Variants in AIG1 observed in about 807,000 individuals in gnomAD.
The protein encoded by AIG1 is androgen induced 1, also known as androgen-induced gene 1 protein.
Under a neutral mutation model 31.4 loss-of-function variants are expected in AIG1, and 23 were observed. The ratio of observed to expected loss-of-function variants is 0.73; its 90% confidence interval spans 0.53 to 1.04. AIG1 has a LOEUF of 1.04. Ranked by LOEUF, AIG1 falls within the 50% of genes least tolerant of loss-of-function variation. The pLI is 0.00. For synonymous variants in AIG1, 100 were observed against 110.5 expected, an observed-to-expected ratio of 0.90 and a Z score of 0.60; for missense variants, 274 against 295.0, an observed-to-expected ratio of 0.93 and a Z score of 0.52.
chr6:143,063,178 T>C lies in AIG1; in HGVS notation c.141+2112T>C, dbSNP rs376723911. ...AAACCATAGTAGAGTCAGCTTGATA[T>C]GCTGTCATATAATTTATCTTTTAGC... is the stretch of plus-strand genomic sequence containing the variant. On this transcript the variant is annotated intron_variant, in intron 1 of 5. Coordinates refer to ENST00000357847, the MANE Select transcript of AIG1 (RefSeq NM_016108.4). Among the ~76,000 whole-genome samples the C allele has an allele frequency of 5.9e-5, 9 of 152,378 alleles. No homozygotes were observed. In the East Asian group the frequency reaches 7.7e-4, roughly 13 times the overall value.
upstream of AIG1, among the ~76,000 whole-genome samples, chr6:143,059,332 C>T (rs539117694): frequency 2.0e-5 from 3 of 152,308 alleles, no homozygotes; most frequent in Non-Finnish European, 2.9e-5. Flanking sequence ...CACTTACCAC[C>T]AAGGTCTGCC....
Position 143,229,784 on chromosome 6 carries a change from C to CAAAAAA in AIG1, c.400-54311_400-54306dup, listed in dbSNP as rs751464049. Among the ~76,000 whole-genome samples, 24 of 80,668 alleles carry CAAAAAA rather than the reference C, an allele frequency of 3.0e-4. 1 individual carries two copies. Among genetic ancestry groups the CAAAAAA allele is most frequent in the South Asian group, 1.2e-3 (3 of 2,578 alleles). 52.9% of individuals were successfully genotyped at this position (80,668 alleles called of 152,430 possible). A position where few individuals can be genotyped will look rare whatever the true frequency, so the allele number is the denominator to read the frequency against. On this transcript the variant is annotated intron_variant, in intron 3 of 5. Transcript: ENST00000357847. ...GCCTCTCGTTTCTGGACTCTCAGAACAAAAAAAAAAAAAAAAAAAAGGATC... is the reference window on the plus strand; with the variant it reads ...GCCTCTCGTTTCTGGACTCTCAGAACAAAAAAAAAAAAAAAAAAAAAAAAAAGGATC...
intron 3 of AIG1, among the ~76,000 whole-genome samples, chr6:143,170,171 C>A (rs1271708047): frequency 2.6e-5 from 4 of 152,032 alleles, no homozygotes; most frequent in Admixed American, 2.6e-4. Flanking sequence ...TGTGTTAGTT[C>A]TTCTTTGTAA....
intron 1 of AIG1, among the ~76,000 whole-genome samples, chr6:143,104,063 C>T (rs1204022928): frequency 6.6e-6 from 1 of 152,148 alleles, no homozygotes. Context: ...TAATCAACCA[C>T]AGACTTGTTC....
At chr6:143,242,001 A>G (rs1794277867) in intron 3 of AIG1, among the ~76,000 whole-genome samples, 1 of 152,196 alleles carries the variant, frequency 6.6e-6, no homozygotes, top group African/African-American at 2.4e-5. Flanking sequence ...CAAACTGCTT[A>G]TGGTCCCAAG....
At chr6:143,232,416 C>A (rs1218980198) in intron 3 of AIG1, among the ~76,000 whole-genome samples, 1 of 152,148 alleles carries the variant, frequency 6.6e-6, no homozygotes, top group African/African-American at 2.4e-5. Context: ...AGACTCTGTC[C>A]TCCACCAAAC....
At chr6:143,150,203 ACT>A (rs917943423) in intron 2 of AIG1, among the ~76,000 whole-genome samples, 12 of 152,142 alleles carry the variant, frequency 7.9e-5, no homozygotes, top group African/African-American at 2.9e-4. Flanking sequence ...TCAGGCAAAC[ACT>A]CTAGCATCCT....
At chr6:143,173,653 T>C (rs1787860616) in intron 3 of AIG1, among the ~76,000 whole-genome samples, 1 of 152,224 alleles carries the variant, frequency 6.6e-6, no homozygotes, top group African/African-American at 2.4e-5. Flanking sequence ...CCAATGATCA[T>C]TCAGGAGCAA....
intron 1 of AIG1, among the ~76,000 whole-genome samples, chr6:143,078,202 A>G (rs920928978): frequency 3.3e-5 from 5 of 152,144 alleles, no homozygotes; most frequent in Non-Finnish European, 7.3e-5. Flanking sequence ...TTCAGTTCTA[A>G]AATGTCCACC....
In AIG1 at chr6:143,333,381, C is replaced by A; in HGVS notation, c.615C>A (p.Ile205=). Reference sequence around the variant, plus strand: ...TCATCTTCTTTGGGTCTACAACCATCTTAATGAACTTCCTGTACCTGCTGG... The same window carrying A: ...TCATCTTCTTTGGGTCTACAACCATATTAATGAACTTCCTGTACCTGCTGG... ...ARIIFFGSTT[I]LMNFLYLLGE... is the part of the protein sequence containing the mutation. The change falls in exon 5 of 6, where the codon ATC becomes ATA. Residue 205 remains isoleucine, a synonymous_variant. Coordinates refer to ENST00000357847, the MANE Select transcript of AIG1 (RefSeq NM_016108.4). The surrounding 1 kb of genome is among the most constrained non-coding windows in gnomAD (Gnocchi z 4.6). The A allele has an allele frequency of 6.2e-7, 1 of 1,614,014 alleles. No individual in the cohort carries two copies. The highest frequency in any genetic ancestry group is 1.1e-5 in the South Asian group (1 of 91,044).
chr6:143,232,926 T>C (rs1214667168), intron 3 of AIG1, among the ~76,000 whole-genome samples: 1 of 152,092 alleles, frequency 6.6e-6, no homozygotes, highest in Admixed American at 6.6e-5. Context: ...CCTTTCAGAG[T>C]CACACTGGCC....
rs535422430 is a variant in AIG1 at position 143,080,376 on chromosome 6, G to A, written c.141+19310G>A. ...GAACCATTTGTAGTTTTACAGCTTC[G>A]ATTCTGGAAGAGACAAACGTAACAA... On this transcript the variant is annotated intron_variant, in intron 1 of 5. Coordinates refer to ENST00000357847, the MANE Select transcript of AIG1 (RefSeq NM_016108.4). Among the ~76,000 whole-genome samples the A allele has an allele frequency of 7.9e-4, 121 of 152,232 alleles. 2 individuals carry two copies. In the South Asian group the frequency reaches 0.016, roughly 21 times the overall value.
At chr6:143,163,182 C>A (rs1300792224) in intron 2 of AIG1, among the ~76,000 whole-genome samples, 1 of 152,160 alleles carries the variant, frequency 6.6e-6, no homozygotes, top group East Asian at 1.9e-4. Context: ...GGCAGTGCAT[C>A]CCTGGCATTG....
At chr6:143,099,624 T>G (rs907749819) in intron 1 of AIG1, 6 of 152,200 alleles carry the variant, frequency 3.9e-5, no homozygotes, top group Admixed American at 1.3e-4. Flanking sequence ...AATATTGTGT[T>G]GGTTAGTTTT....
At chr6:143,245,539 G>C (rs1336268888) in intron 3 of AIG1, among the ~76,000 whole-genome samples, 1 of 152,078 alleles carries the variant, frequency 6.6e-6, no homozygotes, top group Non-Finnish European at 1.5e-5. Context: ...ATCCAATCAA[G>C]AATAAATATT....
rs768956766 is a variant in AIG1, at chr6:143,060,922, G to A, written c.-4G>A. ...CGCCCAGCCGGTCCAGGCCTCTGGC[G>A]AACATGGCGCTTGTCCCCTGCCAGG... On this transcript the variant is annotated 5_prime_UTR_variant, in exon 1 of 6. Transcript: ENST00000357847. The A allele has an allele frequency of 5.0e-6, 8 of 1,604,166 alleles. No individual in the cohort carries two copies. The highest frequency in any genetic ancestry group is 4.2e-6 in the Non-Finnish European group (5 of 1,176,618).
At position 143,272,906 on chromosome 6, in the gene AIG1, G is replaced by A. The variant is rs181903698; in HGVS notation, c.400-11204G>A. ...AGCACTTTGGGAGGCCGAGGTGGGC[G>A]AATCACAAGGTCAGGAGTTCAAGAC... On this transcript the variant is annotated intron_variant, in intron 3 of 5. Transcript: ENST00000357847. Among the ~76,000 whole-genome samples, 7 of 152,218 alleles carry A rather than the reference G, an allele frequency of 4.6e-5. No homozygotes were observed. In the East Asian group the frequency reaches 9.7e-4, roughly 21 times the overall value.
intron 2 of AIG1, among the ~76,000 whole-genome samples, chr6:143,139,079 A>G (rs1583297206): frequency 6.6e-6 from 1 of 152,076 alleles, no homozygotes; most frequent in Non-Finnish European, 1.5e-5. Context: ...CTTTGGGGGA[A>G]ACTTTTGCAC....
Position 143,327,969 on chromosome 6 carries a change from G to T in AIG1, c.516-5313G>T, listed in dbSNP as rs1235499456. Among the ~76,000 whole-genome samples the T allele has an allele frequency of 6.6e-6, 1 of 152,182 alleles. No individual in the cohort carries two copies. The highest frequency in any genetic ancestry group is 1.5e-5 in the Non-Finnish European group (1 of 68,028). ...GAGATCTGGGTTAGGATATAAGTTT[G>T]TAAAATACCTGTGTATAAGTAGTGA... On this transcript the variant is annotated intron_variant, in intron 4 of 5. Coordinates refer to ENST00000357847, the MANE Select transcript of AIG1 (RefSeq NM_016108.4). This position sits in a 1 kb window ranked among gnomAD's most constrained non-coding sequence, Gnocchi z 5.3.
Sources: allele counts gnomAD v4.1 joint callset (sites outside exome capture counted in the v4.1 genomes callset), GRCh38; gene constraint gnomAD v4.1.1; non-coding constraint Gnocchi (gnomAD v3.1); transcripts MANE v1.5; gene names NCBI Gene and HGNC (gene_info 2026-07-23, HGNC 2026-07-21).